EXD3: variants seen among roughly 807,000 people sequenced by gnomAD.
EXD3 encodes the protein exonuclease mut-7 homolog.
In EXD3, 92 loss-of-function variants were observed where a neutral mutation model predicts 98.0. The observed-to-expected ratio is 0.94, with a 90% confidence interval of 0.79 to 1.12. The LOEUF (loss-of-function observed/expected upper bound fraction) is 1.12. Among genes scored for constraint, EXD3 ranks in the 50% most tolerant of loss-of-function variants. The pLI, the probability that EXD3 is intolerant of heterozygous loss-of-function variation, is 0.00. For synonymous variants in EXD3, 569 were observed against 526.0 expected (o/e 1.08, Z -1.12); for missense variants, 1,222 against 1,191.6 (o/e 1.03, Z -0.38).
intron 19 of EXD3, among the ~76,000 whole-genome samples, chr9:137,316,270 C>A (rs1284264479): frequency 6.6e-6 from 1 of 151,894 alleles, no homozygotes; most frequent in Non-Finnish European, 1.5e-5. Context: ...ACTCAGGGCG[C>A]CCGGCGGAGA....
chr9:137,386,581 A>G (rs1836600956), intron 2 of EXD3, among the ~76,000 whole-genome samples: 1 of 152,054 alleles, frequency 6.6e-6, no homozygotes, highest in Non-Finnish European at 1.5e-5. Flanking sequence ...CTAGCATCCT[A>G]CAGAAATATG....
intron 1 of EXD3, among the ~76,000 whole-genome samples, chr9:137,417,802 C>A (rs971541781): frequency 1.3e-5 from 2 of 152,054 alleles, no homozygotes; most frequent in Non-Finnish European, 2.9e-5. Flanking sequence ...CAGGCCGTGC[C>A]GCGGGCCGGT....
At chr9:137,335,840 C>T (rs1427980241) in intron 17 of EXD3, among the ~76,000 whole-genome samples, 1 of 152,100 alleles carries the variant, frequency 6.6e-6, no homozygotes, top group Non-Finnish European at 1.5e-5. Flanking sequence ...CACCTGCGCA[C>T]ATGTTTATCA....
At chr9:137,311,913 C>T (rs188456958) in intron 19 of EXD3, among the ~76,000 whole-genome samples, 101 of 152,280 alleles carry the variant, frequency 6.6e-4, no homozygotes, top group African/African-American at 2.3e-3. Flanking sequence ...CTTTGGACAG[C>T]GATCGTCCAC....
intron 3 of EXD3, among the ~76,000 whole-genome samples, chr9:137,382,930 G>A (rs28557426): frequency 2.3e-3 from 343 of 152,248 alleles, no homozygotes; most frequent in Admixed American, 3.1e-3. Flanking sequence ...CCTTCCTAAG[G>A]CCTCCCTGTC....
At position 137,354,764 on chromosome 9, in the gene EXD3, G is replaced by C; in HGVS notation, c.767C>G (p.Pro256Arg). 1.1e-5 allele frequency: 17 copies of C among 1,609,804 alleles called. No homozygotes were observed. Among genetic ancestry groups the C allele is most frequent in the Non-Finnish European group, 1.4e-5 (17 of 1,179,484 alleles). Reference sequence around the variant, plus strand: ...CAGGCGCTGCTGAATGGCCGCGTTGGGACACAGCGCTGAAAGGAAAGGCCA... The same window carrying C: ...CAGGCGCTGCTGAATGGCCGCGTTGCGACACAGCGCTGAAAGGAAAGGCCA... ...ERYGVAPALC[P>R]NAAIQQRLAA... is the part of the protein sequence containing the mutation. The change falls in exon 9 of 22, where the codon CCC becomes CGC. Residue 256 changes from proline (P) to arginine (R), a missense_variant. Transcript: ENST00000340951.
chr9:137,315,117 G>A (rs1831573913), intron 19 of EXD3, among the ~76,000 whole-genome samples: 1 of 152,202 alleles, frequency 6.6e-6, no homozygotes, highest in South Asian at 2.1e-4. Context: ...CTGCCCCCAA[G>A]GCTTGCTTAG....
At position 137,354,682 on chromosome 9, in the gene EXD3, C is replaced by A. The variant is rs756962065; in HGVS notation, c.831+18G>T. 5.6e-6 allele frequency: 9 copies of A among 1,610,068 alleles called. No homozygotes were observed. The highest frequency in any genetic ancestry group is 7.6e-6 in the Non-Finnish European group (9 of 1,179,662). On this transcript the variant is annotated intron_variant, in intron 9 of 21. Coordinates refer to ENST00000340951, the MANE Select transcript of EXD3 (RefSeq NM_017820.5). Reference sequence around the variant, plus strand: ...GGCCGCGGCTGGCTGCCCCCAGGACCCCCTCCTGCTCACGAACCTCCACAA... The same window carrying A: ...GGCCGCGGCTGGCTGCCCCCAGGACACCCTCCTGCTCACGAACCTCCACAA...
chr9:137,386,635 C>A (rs1836604080), intron 2 of EXD3, among the ~76,000 whole-genome samples: 1 of 152,154 alleles, frequency 6.6e-6, no homozygotes. Context: ...GGCCCCTCAG[C>A]CTTGAGAGTC....
intron 5 of EXD3, among the ~76,000 whole-genome samples, chr9:137,368,557 G>A (rs1010301785): frequency 1.3e-5 from 2 of 152,216 alleles, no homozygotes; most frequent in East Asian, 3.9e-4. Flanking sequence ...CCGCCTGCAC[G>A]TACCACGGGC....
chr9:137,331,212 C>T (rs1439996145), intron 17 of EXD3, among the ~76,000 whole-genome samples: 5 of 152,030 alleles, frequency 3.3e-5, no homozygotes, highest in African/African-American at 9.7e-5. Context: ...CATTGTTTTA[C>T]GATAAAAATC....
intron 19 of EXD3, among the ~76,000 whole-genome samples, chr9:137,313,211 G>A (rs1312271916): frequency 1.3e-5 from 2 of 152,196 alleles, no homozygotes; most frequent in African/African-American, 2.4e-5. Flanking sequence ...TGGGGAACCC[G>A]TGTCCTGGGG....
At chr9:137,353,499 C>A in intron 10 of EXD3, 2 of 987,848 alleles carry the variant, frequency 2.0e-6, no homozygotes. Flanking sequence ...CACCCATTCA[C>A]CCATGGCCCA....
At chr9:137,421,852 A>G (rs1838532228) in intron 1 of EXD3, among the ~76,000 whole-genome samples, 1 of 152,144 alleles carries the variant, frequency 6.6e-6, no homozygotes, top group South Asian at 2.1e-4. Flanking sequence ...TAAACAAATA[A>G]ATAAAAAGAA....
chr9:137,413,302 G>A (rs1044448698), intron 1 of EXD3, among the ~76,000 whole-genome samples: 3 of 151,716 alleles, frequency 2.0e-5, no homozygotes, highest in African/African-American at 7.3e-5. Flanking sequence ...CCGGGTTCAC[G>A]CCATTCTCCT....
At position 137,390,949 on chromosome 9, in the gene EXD3, G is replaced by A. The variant is rs557243332; in HGVS notation, c.55+4354C>T. On this transcript the variant is annotated intron_variant, in intron 2 of 21. Coordinates refer to ENST00000340951, the MANE Select transcript of EXD3 (RefSeq NM_017820.5). ...GCTCAGAGGCTGCCACAAAGTGCCT[G>A]TGACCTCGTCGTGGGACAGGGACAA... Among the ~76,000 whole-genome samples the A allele has an allele frequency of 2.2e-3, 330 of 152,388 alleles. 1 individual carries two copies. Among genetic ancestry groups the A allele is most frequent in the South Asian group, 0.01 (49 of 4,832 alleles).
At chr9:137,398,593 C>T (rs188744238) in intron 1 of EXD3, among the ~76,000 whole-genome samples, 89 of 149,988 alleles carry the variant, frequency 5.9e-4, no homozygotes, top group South Asian at 2.6e-3. Flanking sequence ...CAGGCAACCG[C>T]GTCCCCAAGA....
chr9:137,339,247 C>T (rs940849209), intron 17 of EXD3, among the ~76,000 whole-genome samples: 3 of 152,032 alleles, frequency 2.0e-5, no homozygotes, highest in Non-Finnish European at 4.4e-5. Context: ...ATAATTTAAA[C>T]ATTACTCAGT....
At chr9:137,342,850 G>C (rs553094598) in intron 17 of EXD3, among the ~76,000 whole-genome samples, 2 of 152,196 alleles carry the variant, frequency 1.3e-5, no homozygotes, top group African/African-American at 4.8e-5. Context: ...GGCCAGGCAC[G>C]GTGGCTCATG....
Sources: allele counts gnomAD v4.1 joint callset (sites outside exome capture counted in the v4.1 genomes callset), GRCh38; gene constraint gnomAD v4.1.1; transcripts MANE v1.5; gene names NCBI Gene and HGNC (gene_info 2026-07-23, HGNC 2026-07-21).